Variants in OCSTAMP observed in about 807,000 individuals in gnomAD.
OCSTAMP encodes the protein osteoclast stimulatory transmembrane protein.
In OCSTAMP, 17 loss-of-function variants were observed where a neutral mutation model predicts 25.2. The ratio of observed to expected loss-of-function variants is 0.68; its 90% CI spans 0.46 to 1.01. OCSTAMP has a LOEUF of 1.01. OCSTAMP is among the 50% of genes least tolerant of loss of function. The probability of loss-of-function intolerance (pLI) is 0.00; values close to 1 mark genes in which losing one functional copy is unlikely to be tolerated. For missense variants in OCSTAMP, 664 were observed against 694.6 expected (o/e 0.96, Z 0.50); for synonymous variants, 345 against 318.9 (o/e 1.08, Z -0.87).
At chr20:46,545,141 A>G (rs532106655) in intron 2 of OCSTAMP, among the ~76,000 whole-genome samples, 186 bp downstream of exon 2, 13 of 152,266 alleles carry the variant, frequency 8.5e-5, no homozygotes, top group African/African-American at 3.1e-4. Context: ...TGAAAATAGA[A>G]ACCACTTCCT....
At chr20:46,545,260 G>T in intron 2 of OCSTAMP, 67 bp downstream of exon 2, 1 of 1,400,248 alleles carries the variant, frequency 7.1e-7, no homozygotes, top group Non-Finnish European at 9.4e-7. Context: ...CAAGTCAAGG[G>T]TTTAACAGAT....
In OCSTAMP at chr20:46,546,035, C is replaced by G. The variant is rs1435367309; in HGVS notation, c.339G>C (p.Leu113=). ...GCAGCCGGCGGCCCTGCTCCATACCCAGGGTGGGCACGCTGAGTGCAAACA... is the reference window on the plus strand; with the variant it reads ...GCAGCCGGCGGCCCTGCTCCATACCGAGGGTGGGCACGCTGAGTGCAAACA... ...RCLFALSVPT[L]GMEQGRRLLL... The change falls in exon 2 of 3, where the codon CTG becomes CTC. Residue 113 remains leucine, a synonymous_variant. Coordinates refer to ENST00000279028, the MANE Select transcript of OCSTAMP (RefSeq NM_080721.3). 6.4e-7 allele frequency: 1 copy of G among 1,551,554 alleles called. No individual in the cohort carries two copies. The highest frequency in any genetic ancestry group is 8.7e-7 in the Non-Finnish European group (1 of 1,147,002).
chr20:46,545,408 T>C lies in OCSTAMP; in HGVS notation c.966A>G (p.Val322=). The change falls in exon 2 of 3, where the codon GTA becomes GTG. Residue 322 remains valine (V), a synonymous_variant. Coordinates refer to ENST00000279028, the MANE Select transcript of OCSTAMP (RefSeq NM_080721.3). The part of the protein sequence containing the change: ...ATAVAVATDH[V]AFLLAQATVD... ...CAGTAGCCTGTGCCAGGAGGAAGGC[T>C]ACATGGTCTGTGGCCACCGCCACAG... is the stretch of plus-strand genomic sequence containing the variant. 1.3e-6 allele frequency: 2 copies of C among 1,547,724 alleles called. No individual in the cohort carries two copies. The highest frequency in any genetic ancestry group is 2.4e-5 in the South Asian group (2 of 83,540).
intron 1 of OCSTAMP, among the ~76,000 whole-genome samples, chr20:46,549,806 C>CTGTGTGTGTGTGTGTGTGTG (rs767000638): frequency 0.021 from 3,053 of 142,412 alleles, 100 homozygotes; most frequent in East Asian, 0.036. Context: ...TTGTGGCCCA[C>CTGTGTGTGTGTGTGTGTGTG]TCTGTGTGTG....
chr20:46,541,952 G>T (rs1887384526), intron 2 of OCSTAMP, 25 bp from the exon 3 acceptor site: 2 of 1,415,584 alleles, frequency 1.4e-6, no homozygotes, highest in Non-Finnish European at 9.2e-7. Context: ...AAAAGGCAGG[G>T]TCAACTGAGG....
rs1264159230 is a variant in OCSTAMP, at chr20:46,541,856, G to A, written c.1119C>T (p.Ser373=). The change falls in exon 3 of 3, where the codon TCC becomes TCT. Residue 373 remains serine (S), a synonymous_variant. Coordinates refer to ENST00000279028, the MANE Select transcript of OCSTAMP (RefSeq NM_080721.3). ...NQLAPESPFL[S]VHSSYQWELR... ...GCTCCCATTGGTAGGAGCTGTGGAC[G>A]GAGAGGAAGGGGCTCTCCGGAGCCA... is the stretch of plus-strand genomic sequence containing the variant. 7 of 1,470,862 alleles carry A rather than the reference G, an allele frequency of 4.8e-6. No individual in the cohort carries two copies. In the South Asian group the frequency reaches 5.8e-5, roughly 12 times the overall value. 91.1% of individuals were successfully genotyped at this position (1,470,862 alleles called of 1,614,324 possible).
Position 46,545,780 on chromosome 20 carries a change from A to G in OCSTAMP, c.594T>C (p.Leu198=). The G allele has an allele frequency of 6.4e-7, 1 of 1,551,448 alleles. No individual in the cohort carries two copies. Among genetic ancestry groups the G allele is most frequent in the Non-Finnish European group, 8.7e-7 (1 of 1,146,986 alleles). Reference sequence around the variant, plus strand: ...CCTGCTGAGTGACCCTGAGCATGTGAAGGTAGAAGGCAGAGCCATTGTCCT... The same window carrying G: ...CCTGCTGAGTGACCCTGAGCATGTGGAGGTAGAAGGCAGAGCCATTGTCCT... ...EAQDNGSAFY[L]HMLRVTQQVL... is the part of the protein sequence containing the mutation. The change falls in exon 2 of 3, where the codon CTT becomes CTC. Residue 198 remains leucine (L), a synonymous_variant. Coordinates refer to ENST00000279028, the MANE Select transcript of OCSTAMP (RefSeq NM_080721.3).
chr20:46,544,583 C>T (rs939829178), intron 2 of OCSTAMP, among the ~76,000 whole-genome samples: 4 of 152,104 alleles, frequency 2.6e-5, no homozygotes, highest in South Asian at 2.1e-4. Flanking sequence ...AAGAAAGGAT[C>T]GAAAAACACA....
At chr20:46,544,579 G>T (rs1175013720) in intron 2 of OCSTAMP, among the ~76,000 whole-genome samples, 1 of 152,140 alleles carries the variant, frequency 6.6e-6, no homozygotes, top group South Asian at 2.1e-4. Flanking sequence ...GCAAAAGAAA[G>T]GATCGAAAAA....
chr20:46,543,593 A>G (rs140333936), intron 2 of OCSTAMP, among the ~76,000 whole-genome samples: 3,878 of 151,964 alleles, frequency 0.026, 190 homozygotes, highest in African/African-American at 0.089. Flanking sequence ...CGGCCTCCCA[A>G]AGTGCTGGGA....
chr20:46,546,849 A>G (rs2061854828), intron 1 of OCSTAMP, among the ~76,000 whole-genome samples: 1 of 152,088 alleles, frequency 6.6e-6, no homozygotes, highest in Admixed American at 6.6e-5. Context: ...CCTGTGAGGG[A>G]CTTTTATATT....
chr20:46,543,562 C>G (rs1370221529), intron 2 of OCSTAMP, among the ~76,000 whole-genome samples: 1 of 151,950 alleles, frequency 6.6e-6, no homozygotes, highest in Non-Finnish European at 1.5e-5. Flanking sequence ...GAACTCCTGA[C>G]CTCAGGTGAT....
At chr20:46,549,877 T>G (rs2061865210) in intron 1 of OCSTAMP, among the ~76,000 whole-genome samples, 1 of 140,640 alleles carries the variant, frequency 7.1e-6, no homozygotes, top group Admixed American at 7.4e-5. Flanking sequence ...AAAATCTGGG[T>G]TTCCAGCTTT....
rs74890680 is a variant in OCSTAMP, at chr20:46,546,451, C to T, written c.45-122G>A. The T allele has an allele frequency of 2.5e-3, 1,976 of 788,988 alleles. 37 individuals are homozygous for T. The African/African-American group carries it at 0.031, about 12-fold the overall frequency. 48.9% of individuals were successfully genotyped at this position (788,988 alleles called of 1,614,324 possible). On this transcript the variant is annotated intron_variant, in intron 1 of 2. Transcript: ENST00000279028. Reference sequence around the variant, plus strand: ...CTAACAGACTCCACCCTTGTAGTTACCCAGGTGGACCAATCAGAGTAAGTC... The same window carrying T: ...CTAACAGACTCCACCCTTGTAGTTATCCAGGTGGACCAATCAGAGTAAGTC...
intron 1 of OCSTAMP, among the ~76,000 whole-genome samples, chr20:46,550,195 C>A (rs1288769200): frequency 1.3e-5 from 2 of 152,164 alleles, no homozygotes; most frequent in African/African-American, 4.8e-5. Flanking sequence ...AGTCCTAAGT[C>A]ATATTGGATG....
chr20:46,550,463 T>C (rs2061867375), intron 1 of OCSTAMP, 54 bp downstream of exon 1: 1 of 1,497,252 alleles, frequency 6.7e-7, no homozygotes. Context: ...TCACCCCCAA[T>C]GGCTGACTGT....
chr20:46,546,330 C>T lies in OCSTAMP; in HGVS notation c.45-1G>A. 1 of 1,546,576 alleles carries T rather than the reference C, an allele frequency of 6.5e-7. No homozygotes were observed. Among genetic ancestry groups the T allele is most frequent in the Non-Finnish European group, 8.7e-7 (1 of 1,145,118 alleles). On this transcript the variant is annotated splice_acceptor_variant, in intron 1 of 2. Transcript: ENST00000279028. LOFTEE classifies it high-confidence loss of function. ...GAACCCCAAGTGCCAGGACCTCCACCTGCACACAAGGAAATTGAAGGGCAT... is the reference window on the plus strand; with the variant it reads ...GAACCCCAAGTGCCAGGACCTCCACTTGCACACAAGGAAATTGAAGGGCAT...
intron 2 of OCSTAMP, among the ~76,000 whole-genome samples, chr20:46,542,305 C>T (rs2146051331): frequency 1.3e-5 from 2 of 152,198 alleles, no homozygotes; most frequent in South Asian, 2.1e-4. Flanking sequence ...AGTGGCCAGG[C>T]GCAGTGGCTC....
chr20:46,548,099 C>T (rs1194546138), intron 1 of OCSTAMP, among the ~76,000 whole-genome samples: 3 of 152,156 alleles, frequency 2.0e-5, no homozygotes, highest in Non-Finnish European at 2.9e-5. Flanking sequence ...CTCTGATATA[C>T]GCAGAGCAGA....
Sources: allele counts gnomAD v4.1 joint callset (sites outside exome capture counted in the v4.1 genomes callset), GRCh38; gene constraint gnomAD v4.1.1; transcripts MANE v1.5; gene names NCBI Gene and HGNC (gene_info 2026-07-23, HGNC 2026-07-21).